Variants in RBFOX1 observed in about 807,000 individuals in gnomAD.
RBFOX1 encodes the protein RNA binding fox-1 homolog 1, also known as RNA binding protein fox-1 homolog 1.
RBFOX1 carries 8 observed loss-of-function variants against 57.7 expected under a neutral mutation model. The observed-to-expected ratio is 0.14, with a 90% confidence interval of 0.08 to 0.25. The LOEUF (loss-of-function observed/expected upper bound fraction) is 0.25, where lower values mean the gene tolerates loss of function less well. Ranked by LOEUF, RBFOX1 falls within the 10% of genes least tolerant of loss-of-function variation. The pLI is 1.00. For synonymous variants in RBFOX1, 326 were observed against 222.4 expected (o/e 1.47, Z -4.15); for missense variants, 611 against 548.5 (o/e 1.11, Z -1.14).
At chr16:7,474,027 G>A (rs1020240162) in intron 4 of RBFOX1, among the ~76,000 whole-genome samples, 54 of 151,854 alleles carry the variant, frequency 3.6e-4, no homozygotes, top group Admixed American at 1.0e-3. Flanking sequence ...GGTGGCTCAC[G>A]CCTGTGGTCC....
chr16:5,423,560 C>T (rs1276199647), intron 1 of RBFOX1, among the ~76,000 whole-genome samples: 1 of 152,158 alleles, frequency 6.6e-6, no homozygotes, highest in African/African-American at 2.4e-5. Flanking sequence ...GCTGTTGCTG[C>T]GTGTCTCTGA....
At chr16:5,867,516 C>T (rs2057371502) in intron 4 of RBFOX1, among the ~76,000 whole-genome samples, 2 of 152,032 alleles carry the variant, frequency 1.3e-5, no homozygotes, top group African/African-American at 4.8e-5. Context: ...CAGGTCACCG[C>T]ACTGCTCTTC....
chr16:6,202,907 G>A (rs527528884), intron 1 of RBFOX1, among the ~76,000 whole-genome samples: 31 of 152,144 alleles, frequency 2.0e-4, no homozygotes, highest in Non-Finnish European at 4.0e-4. Context: ...CAAGTAGCTG[G>A]GACTACAGGT....
chr16:5,889,681 A>C (rs1398076271), intron 4 of RBFOX1, among the ~76,000 whole-genome samples: 1 of 152,224 alleles, frequency 6.6e-6, no homozygotes, highest in Non-Finnish European at 1.5e-5. Flanking sequence ...CCAAAAGCCA[A>C]CGTGGAGGAG....
intron 4 of RBFOX1, among the ~76,000 whole-genome samples, chr16:7,120,868 C>T (rs2067022328): frequency 6.7e-6 from 1 of 148,814 alleles, no homozygotes; most frequent in Non-Finnish European, 1.5e-5. Context: ...CATACGTAAA[C>T]ATATATCATG....
chr16:7,534,136 G>C (rs2080900131), intron 5 of RBFOX1, among the ~76,000 whole-genome samples: 1 of 144,164 alleles, frequency 6.9e-6, no homozygotes. Flanking sequence ...GCCCAGGCTG[G>C]AGTGCAGTGG....
chr16:5,599,029 T>C (rs1226489287), exon 3 of RBFOX1: 2 of 1,326,590 alleles, frequency 1.5e-6, no homozygotes, highest in African/African-American at 2.9e-5. Flanking sequence ...TCAGCCTCTT[T>C]GGTCTCCGTC....
intron 2 of RBFOX1, among the ~76,000 whole-genome samples, chr16:6,328,540 C>A (rs2082640748): frequency 6.6e-6 from 1 of 152,074 alleles, no homozygotes; most frequent in African/African-American, 2.4e-5. Context: ...CATTAAGATT[C>A]AAATAAACAA....
intron 1 of RBFOX1, among the ~76,000 whole-genome samples, chr16:5,274,233 A>G (rs1299021459): frequency 6.6e-6 from 1 of 152,202 alleles, no homozygotes; most frequent in Non-Finnish European, 1.5e-5. Flanking sequence ...CGGCCTCTCA[A>G]GAGTGAGTTA....
At chr16:7,479,046 A>T (rs1169704680) in intron 4 of RBFOX1, among the ~76,000 whole-genome samples, 3 of 151,986 alleles carry the variant, frequency 2.0e-5, no homozygotes, top group Admixed American at 2.0e-4. Flanking sequence ...GAATCCACAA[A>T]CAGGAAAGTG....
chr16:5,398,363 T>C (rs1596849401), intron 1 of RBFOX1, among the ~76,000 whole-genome samples: 1 of 151,966 alleles, frequency 6.6e-6, no homozygotes, highest in African/African-American at 2.4e-5. Flanking sequence ...GCACCTGTTT[T>C]AGTGTGCATG....
intron 3 of RBFOX1, among the ~76,000 whole-genome samples, chr16:5,752,207 T>C (rs538687860): frequency 1.2e-4 from 18 of 152,036 alleles, no homozygotes; most frequent in Non-Finnish European, 1.5e-4. Context: ...TACTTAGAAG[T>C]GGTAGCTGAA....
intron 13 of RBFOX1, among the ~76,000 whole-genome samples, chr16:7,674,182 A>C (rs566014998): frequency 2.6e-5 from 4 of 152,178 alleles, no homozygotes; most frequent in African/African-American, 2.4e-5. Flanking sequence ...GCAAAGGAAG[A>C]CCATGCAGTA....
chr16:7,248,675 A>G (rs2094400461), intron 4 of RBFOX1, among the ~76,000 whole-genome samples: 1 of 152,206 alleles, frequency 6.6e-6, no homozygotes, highest in African/African-American at 2.4e-5. Context: ...AAATTCAAGT[A>G]CTGCAGATAA....
intron 3 of RBFOX1, among the ~76,000 whole-genome samples, chr16:6,886,485 GC>G (rs1315665853): frequency 6.6e-6 from 1 of 151,978 alleles, no homozygotes; most frequent in African/African-American, 2.4e-5. Flanking sequence ...CAGCGCGGTG[GC>G]TCACACCTGT....
At chr16:5,690,245 G>A (rs889850718) in intron 3 of RBFOX1, among the ~76,000 whole-genome samples, 11 of 152,220 alleles carry the variant, frequency 7.2e-5, no homozygotes, top group African/African-American at 2.4e-4. Flanking sequence ...CTGAATGCAT[G>A]TTATTGTCAT....
chr16:6,302,840 T>A (rs563108873), intron 1 of RBFOX1, among the ~76,000 whole-genome samples: 3 of 152,224 alleles, frequency 2.0e-5, no homozygotes, highest in Non-Finnish European at 4.4e-5. Flanking sequence ...TAGAAAAATA[T>A]ATTTTTAAGA....
intron 3 of RBFOX1, among the ~76,000 whole-genome samples, chr16:5,729,869 G>A (rs948761272): frequency 1.3e-5 from 2 of 152,126 alleles, no homozygotes; most frequent in Admixed American, 6.5e-5. Context: ...TTTGAGGGAG[G>A]CAAATCCTAG....
At chr16:6,809,537 C>T (rs558450350) in intron 3 of RBFOX1, among the ~76,000 whole-genome samples, 2 of 152,134 alleles carry the variant, frequency 1.3e-5, no homozygotes, top group African/African-American at 2.4e-5. Flanking sequence ...GAATAAGTTT[C>T]TGTGCACCTG....
Sources: gnomAD v4.1 joint callset for allele counts (sites outside exome capture counted in the v4.1 genomes callset) on GRCh38, gnomAD v4.1.1 for gene constraint, MANE v1.5 for transcripts, NCBI Gene and HGNC (gene_info 2026-07-23, HGNC 2026-07-21) for gene names.